Variants in KDM2A observed in about 807,000 individuals in gnomAD.
KDM2A encodes the protein lysine-specific demethylase 2A.
KDM2A carries 3 observed loss-of-function variants against 137.3 expected under a neutral mutation model. The observed-to-expected ratio is 0.02, with a 90% CI of 0.01 to 0.06. The LOEUF (loss-of-function observed/expected upper bound fraction) is 0.06, where lower values mean the gene tolerates loss of function less well. Ranked by LOEUF, KDM2A falls within the 10% of genes least tolerant of loss-of-function variation. The pLI is 1.00. For synonymous variants in KDM2A, 512 were observed against 541.5 expected (o/e 0.95, Z 0.76); for missense variants, 738 against 1,510.6 (o/e 0.49, Z 8.48).
intron 2 of KDM2A, among the ~76,000 whole-genome samples, chr11:67,134,733 G>T (rs779881812): frequency 5.3e-5 from 8 of 152,056 alleles, no homozygotes; most frequent in Non-Finnish European, 1.2e-4. Context: ...TCGAACTTCT[G>T]ACCTCAGGTG....
At chr11:67,187,581 T>C (rs1029129462) in intron 5 of KDM2A, among the ~76,000 whole-genome samples, 82 of 151,600 alleles carry the variant, frequency 5.4e-4, no homozygotes, top group African/African-American at 1.9e-3. Context: ...TATTTATTTA[T>C]TTATTTATTT....
intron 15 of KDM2A, among the ~76,000 whole-genome samples, chr11:67,247,088 T>TTTTA (rs1859270363): frequency 1.0e-5 from 1 of 97,732 alleles, no homozygotes; most frequent in Admixed American, 1.1e-4. Context: ...TTTTTTTTTT[T>TTTTA]TTTTTTTTTT....
intron 2 of KDM2A, among the ~76,000 whole-genome samples, chr11:67,143,835 G>A (rs1856180092): frequency 1.3e-5 from 2 of 151,874 alleles, no homozygotes; most frequent in East Asian, 1.9e-4. Flanking sequence ...GTTTTCTCAT[G>A]TTGGCCAAGC....
At chr11:67,235,906 C>G (rs1858858747) in intron 12 of KDM2A, among the ~76,000 whole-genome samples, 2 of 152,208 alleles carry the variant, frequency 1.3e-5, no homozygotes, top group African/African-American at 4.8e-5. Context: ...GCGTGAGCCA[C>G]TGCGCCCGGC....
intron 2 of KDM2A, among the ~76,000 whole-genome samples, chr11:67,126,332 C>T (rs929781964): frequency 1.3e-5 from 2 of 151,894 alleles, no homozygotes; most frequent in East Asian, 1.9e-4. Context: ...CCCAGCACTT[C>T]GGGAGGCCAG....
chr11:67,150,629 TGA>T (rs1856362670), intron 2 of KDM2A, among the ~76,000 whole-genome samples: 1 of 152,114 alleles, frequency 6.6e-6, no homozygotes, highest in South Asian at 2.1e-4. Context: ...ACTAATCCTT[TGA>T]GAGGAGGGAT....
chr11:67,138,594 A>C (rs983723227), intron 2 of KDM2A, among the ~76,000 whole-genome samples: 1 of 152,170 alleles, frequency 6.6e-6, no homozygotes, highest in African/African-American at 2.4e-5. Flanking sequence ...CAGCCTGACC[A>C]ACATGGCAAA....
chr11:67,222,226 C>A (rs1454168836), intron 10 of KDM2A, among the ~76,000 whole-genome samples: 1 of 101,120 alleles, frequency 9.9e-6, no homozygotes, highest in African/African-American at 3.9e-5. Flanking sequence ...TGCGGCCTTC[C>A]GCAGTGTTTG....
rs1159358838 is a variant in KDM2A, at chr11:67,217,827, G to A, written c.784G>A (p.Val262Ile). Residue 262 changes from valine (V) to isoleucine (I), a missense_variant, in exon 9 of 21, where the codon GTA becomes ATA. By Grantham distance (29) the Val-to-Ile change is conservative (BLOSUM62 3). Transcript: ENST00000529006. ...KQGDIFLGDR[V>I]SDCQRIELKQ... ...GGGAGACATCTTTCTGGGTGACCGG[G>A]TATCAGATTGTCAGCGCATTGAGCT... is the stretch of plus-strand genomic sequence containing the variant. The A allele has an allele frequency of 5.6e-6, 9 of 1,613,192 alleles. No individual in the cohort carries two copies. The highest frequency in any genetic ancestry group is 2.7e-5 in the African/African-American group (2 of 74,918).
intron 2 of KDM2A, among the ~76,000 whole-genome samples, chr11:67,122,687 A>T (rs1309976959): frequency 2.2e-5 from 3 of 136,182 alleles, no homozygotes; most frequent in Admixed American, 7.4e-5. Context: ...TTATTTATTT[A>T]TTTTTTGAGA....
chr11:67,127,186 C>T (rs371783712), intron 2 of KDM2A, among the ~76,000 whole-genome samples: 11 of 152,150 alleles, frequency 7.2e-5, no homozygotes, highest in African/African-American at 9.7e-5. Context: ...TAGCCTCAAC[C>T]GCCTGGCTCA....
intron 5 of KDM2A, among the ~76,000 whole-genome samples, chr11:67,190,215 G>C (rs1032294791): frequency 6.6e-6 from 1 of 152,182 alleles, no homozygotes; most frequent in African/African-American, 2.4e-5. Context: ...TTCGAGACTA[G>C]CCTGGCCAAT....
At chr11:67,167,106 G>T (rs117044492) in intron 2 of KDM2A, among the ~76,000 whole-genome samples, 1 of 152,054 alleles carries the variant, frequency 6.6e-6, no homozygotes, top group Admixed American at 6.6e-5. Context: ...TTAATATTGC[G>T]AGTTACTGCT....
intron 5 of KDM2A, among the ~76,000 whole-genome samples, chr11:67,199,441 G>A (rs1857563979): frequency 6.6e-6 from 1 of 152,178 alleles, no homozygotes; most frequent in Non-Finnish European, 1.5e-5. Context: ...GGTTCTTGAA[G>A]AAAATTAAAA....
At position 67,254,548 on chromosome 11, in the gene KDM2A, A is replaced by G. The variant is rs1859541282; in HGVS notation, c.3307+130A>G. The G allele has an allele frequency of 1.3e-5, 10 of 797,322 alleles. No individual in the cohort carries two copies. The South Asian group carries it at 1.6e-4, about 12-fold the overall frequency. 49.4% of individuals were successfully genotyped at this position (797,322 alleles called of 1,614,324 possible). ...CATCAGCTCATTTCTTCACATCTGGACAAGGACATGGATTTCTATCCCTTT... is the reference window on the plus strand; with the variant it reads ...CATCAGCTCATTTCTTCACATCTGGGCAAGGACATGGATTTCTATCCCTTT... On this transcript the variant is annotated intron_variant, in intron 20 of 20. Coordinates refer to ENST00000529006, the MANE Select transcript of KDM2A (RefSeq NM_012308.3). The surrounding 1 kb of genome is among the most constrained non-coding windows in gnomAD (Gnocchi z 4.7).
intron 2 of KDM2A, among the ~76,000 whole-genome samples, chr11:67,160,803 C>T (rs879258571): frequency 3.3e-5 from 5 of 151,960 alleles, no homozygotes; most frequent in Non-Finnish European, 7.4e-5. Flanking sequence ...ATGAGATAGA[C>T]CTTCTCATTA....
intron 2 of KDM2A, among the ~76,000 whole-genome samples, chr11:67,133,264 T>TA (rs1485983593): frequency 2.6e-5 from 4 of 151,966 alleles, no homozygotes; most frequent in African/African-American, 7.3e-5. Flanking sequence ...CACACTGCGC[T>TA]AATTTTGTGT....
intron 2 of KDM2A, among the ~76,000 whole-genome samples, chr11:67,172,221 C>CT (rs1455788081): frequency 6.6e-6 from 1 of 152,012 alleles, no homozygotes; most frequent in Non-Finnish European, 1.5e-5. Context: ...ATCCTCCTAG[C>CT]TTTCTTTTGT....
At chr11:67,182,938 A>C (rs1046381713) in intron 5 of KDM2A, among the ~76,000 whole-genome samples, 2 of 152,236 alleles carry the variant, frequency 1.3e-5, no homozygotes, top group African/African-American at 4.8e-5. Context: ...CCTCTGTACT[A>C]AAGCTCCAGT....
Sources: gnomAD v4.1 joint callset for allele counts (sites outside exome capture counted in the v4.1 genomes callset) on GRCh38, gnomAD v4.1.1 for gene constraint, Gnocchi (gnomAD v3.1) non-coding constraint, MANE v1.5 for transcripts, NCBI Gene and HGNC (gene_info 2026-07-23, HGNC 2026-07-21) for gene names.